MAB21L3: variants seen among roughly 807,000 people sequenced by gnomAD.
The protein encoded by MAB21L3 is mab-21 like 3, also known as protein mab-21-like 3.
MAB21L3 carries 36 observed loss-of-function variants against 37.7 expected under a neutral mutation model. The ratio of observed to expected loss-of-function variants is 0.96; its 90% CI spans 0.73 to 1.26. The LOEUF (loss-of-function observed/expected upper bound fraction) is 1.26, where lower values mean the gene tolerates loss of function less well. Ranked by LOEUF, MAB21L3 falls within the 50% of genes most tolerant of loss-of-function variation. The probability of loss-of-function intolerance (pLI) is 0.00; values close to 1 mark genes in which losing one functional copy is unlikely to be tolerated. For synonymous variants in MAB21L3, 186 were observed against 176.8 expected (o/e 1.05, Z -0.41); for missense variants, 430 against 447.3 (o/e 0.96, Z 0.35).
intron 4 of MAB21L3, among the ~76,000 whole-genome samples, chr1:116,123,429 C>G (rs548730370): frequency 1.3e-5 from 2 of 152,110 alleles, no homozygotes; most frequent in East Asian, 3.9e-4. Context: ...AGATATTTTA[C>G]AAAATCTGTT....
In MAB21L3 at chr1:116,133,345, C is replaced by A. The variant is rs1660126908; in HGVS notation, c.1069C>A (p.Pro357Thr). The A allele has an allele frequency of 6.2e-7, 1 of 1,614,098 alleles. No individual in the cohort carries two copies. Among genetic ancestry groups the A allele is most frequent in the Non-Finnish European group, 8.5e-7 (1 of 1,180,044 alleles). ...AQKLATFLKN[P>T]QIGPP ...AAAGCTGGCCACCTTCCTGAAGAAC[C>A]CCCAGATCGGCCCGCCCTGATGGTT... is the stretch of plus-strand genomic sequence containing the variant. The change falls in exon 8 of 8, where the codon CCC becomes ACC. Residue 357 changes from proline (P) to threonine (T), a missense_variant. By Grantham distance (38) the Pro-to-Thr change is conservative (BLOSUM62 -1). Transcript: ENST00000369500.
chr1:116,113,330 T>A (rs1659482089), intron 3 of MAB21L3, among the ~76,000 whole-genome samples: 1 of 152,210 alleles, frequency 6.6e-6, no homozygotes, highest in African/African-American at 2.4e-5. Flanking sequence ...AAAGAGAAGA[T>A]CATTATCATA....
intron 5 of MAB21L3, among the ~76,000 whole-genome samples, chr1:116,125,026 A>C (rs1197065517): frequency 6.9e-6 from 1 of 145,882 alleles, no homozygotes; most frequent in African/African-American, 2.7e-5. Context: ...TAATTACCAA[A>C]AAAAAAAAAG....
chr1:116,125,172 G>A (rs1439277296), intron 5 of MAB21L3, among the ~76,000 whole-genome samples: 1 of 152,146 alleles, frequency 6.6e-6, no homozygotes, highest in Non-Finnish European at 1.5e-5. Context: ...GAAATGAAAA[G>A]TTTGATCATG....
chr1:116,131,797 A>G (rs10923976), intron 7 of MAB21L3, among the ~76,000 whole-genome samples: 59,285 of 152,110 alleles, frequency 0.39, 16,334 homozygotes, highest in African/African-American at 0.79. Flanking sequence ...GATGGTGATA[A>G]TTTGGATGGT....
chr1:116,116,476 C>T (rs930529432), intron 3 of MAB21L3, among the ~76,000 whole-genome samples: 1 of 152,154 alleles, frequency 6.6e-6, no homozygotes, highest in Non-Finnish European at 1.5e-5. Context: ...TGCCTAAATA[C>T]ATGGAGACCT....
In MAB21L3 at chr1:116,124,118, G is replaced by C. The variant is rs1375825582; in HGVS notation, c.242G>C (p.Gly81Ala). 3 of 1,613,874 alleles carry C rather than the reference G, an allele frequency of 1.9e-6. No homozygotes were observed. Among genetic ancestry groups the C allele is most frequent in the African/African-American group, 1.3e-5 (1 of 75,050 alleles). ...ACAGTCCCAATAAAAGGCCTGGCCGGGTACAGGGAGGCCAGGGAGCAGCAC... is the reference window on the plus strand; with the variant it reads ...ACAGTCCCAATAAAAGGCCTGGCCGCGTACAGGGAGGCCAGGGAGCAGCAC... ...LVTVPIKGLA[G>A]YREAREQHWR... Residue 81 changes from glycine to alanine, a missense_variant, in exon 5 of 8, where the codon GGG becomes GCG. Physicochemically the swap from Gly to Ala is moderately conservative, Grantham distance 60. Coordinates refer to ENST00000369500, the MANE Select transcript of MAB21L3 (RefSeq NM_152367.3).
At chr1:116,127,997 C>T (rs1408213414) in intron 6 of MAB21L3, 148 bp from the exon 7 acceptor site, 5 of 809,052 alleles carry the variant, frequency 6.2e-6, no homozygotes, top group Non-Finnish European at 9.5e-6. Context: ...GGCTTGTGGT[C>T]TCCCTGGCAC....
intron 7 of MAB21L3, 99 bp downstream of exon 7, chr1:116,128,438 G>A (rs541847824): frequency 1.7e-6 from 2 of 1,188,250 alleles, no homozygotes; most frequent in Admixed American, 5.9e-5. Flanking sequence ...CTCAGAAGGG[G>A]TAGCATGTGT....
At position 116,124,293 on chromosome 1, in the gene MAB21L3, T is replaced by G. The variant is rs1298595898; in HGVS notation, c.417T>G (p.Pro139=). The change falls in exon 5 of 8, where the codon CCT becomes CCG. Residue 139 remains proline, a synonymous_variant. Transcript: ENST00000369500. ...TGAACATCGACGGAGACATTGTGCC[T>G]GCCAAGGTCCTCCTAGTGTTCCGGA... is the stretch of plus-strand genomic sequence containing the variant. The part of the protein sequence containing the change: ...TDVNIDGDIV[P]AKVLLVFRKL... The G allele has an allele frequency of 6.2e-7, 1 of 1,614,036 alleles. No homozygotes were observed. The highest frequency in any genetic ancestry group is 8.5e-7 in the Non-Finnish European group (1 of 1,180,038).
rs1008044536 is a variant in MAB21L3 at position 116,124,929 on chromosome 1, G to A, written c.481+572G>A. ...CACTCCCTTTTTGTTCACACAAAGC[G>A]AAAAGGTGAATTTCAAACTGGAAAG... On this transcript the variant is annotated intron_variant, in intron 5 of 7. Transcript: ENST00000369500. Among the ~76,000 whole-genome samples, 67 of 150,358 alleles carry A rather than the reference G, an allele frequency of 4.5e-4. 1 individual carries two copies. Among genetic ancestry groups the A allele is most frequent in the Middle Eastern group, 6.3e-3 (2 of 316 alleles).
At chr1:116,114,294 T>C (rs1659509163) in intron 3 of MAB21L3, among the ~76,000 whole-genome samples, 1 of 152,228 alleles carries the variant, frequency 6.6e-6, no homozygotes, top group African/African-American at 2.4e-5. Flanking sequence ...ATCTTGCACA[T>C]ATATGATCAG....
intron 7 of MAB21L3, among the ~76,000 whole-genome samples, chr1:116,131,496 T>C (rs1447367620): frequency 6.6e-6 from 1 of 152,168 alleles, no homozygotes; most frequent in Non-Finnish European, 1.5e-5. Context: ...GGGAAGACCT[T>C]GAAGTATTTT....
intron 3 of MAB21L3, among the ~76,000 whole-genome samples, chr1:116,112,979 CCTT>C (rs1391335166): frequency 1.3e-5 from 2 of 152,066 alleles, no homozygotes; most frequent in Non-Finnish European, 2.9e-5. Context: ...TGAGCCTTGG[CCTT>C]CTTCTCTGTA....
intron 3 of MAB21L3, among the ~76,000 whole-genome samples, chr1:116,116,992 C>T (rs765681737): frequency 1.4e-4 from 21 of 151,830 alleles, no homozygotes; most frequent in Non-Finnish European, 2.6e-4. Context: ...AATAGATTTA[C>T]AATGAAGTAC....
rs144773588 is a variant in MAB21L3, at chr1:116,111,668, C to T, written c.-352C>T. 172 of 151,886 alleles carry T rather than the reference C, an allele frequency of 1.1e-3. 1 individual carries two copies. The highest frequency in any genetic ancestry group is 4.0e-3 in the African/African-American group (165 of 41,370). 9.4% of individuals were successfully genotyped at this position (151,886 alleles called of 1,614,324 possible). A position where few individuals can be genotyped will look rare whatever the true frequency, so the allele number is the denominator to read the frequency against. On this transcript the variant is annotated 5_prime_UTR_variant, in exon 2 of 8. Coordinates refer to ENST00000369500, the MANE Select transcript of MAB21L3 (RefSeq NM_152367.3). ...GCCAGCCCAACTGGGAATTTACTGC[C>T]TGAGCTGTTTTCCAACATAAGTTTT...
In MAB21L3 at chr1:116,128,746, G is replaced by A. The variant is rs189244744; in HGVS notation, c.855+407G>A. ...CACACTTTGATGGCTTTATGTTTGCGCCAGTCTTTAAACCCACTGCAGCCT... is the reference window on the plus strand; with the variant it reads ...CACACTTTGATGGCTTTATGTTTGCACCAGTCTTTAAACCCACTGCAGCCT... On this transcript the variant is annotated intron_variant, in intron 7 of 7. Coordinates refer to ENST00000369500, the MANE Select transcript of MAB21L3 (RefSeq NM_152367.3). Among the ~76,000 whole-genome samples, 398 of 152,152 alleles carry A rather than the reference G, an allele frequency of 2.6e-3. 2 individuals carry two copies. Among genetic ancestry groups the A allele is most frequent in the African/African-American group, 6.3e-3 (262 of 41,498 alleles).
rs1337843622 is a variant in MAB21L3 at position 116,138,023 on chromosome 1, A to C, written c.*4658A>C. On this transcript the variant is annotated 3_prime_UTR_variant, in exon 8 of 8. Coordinates refer to ENST00000369500, the MANE Select transcript of MAB21L3 (RefSeq NM_152367.3). The stretch of plus-strand genomic sequence containing the variant: ...AGCATTGGGAGATATACCTAATGCT[A>C]GATGACGAGTTAGTGGGTGCAGCGC... Among the ~76,000 whole-genome samples, 1 of 149,760 alleles carries C rather than the reference A, an allele frequency of 6.7e-6. No homozygotes were observed. The highest frequency in any genetic ancestry group is 1.5e-5 in the Non-Finnish European group (1 of 67,502).
chr1:116,113,401 G>A (rs1659483408), intron 3 of MAB21L3, among the ~76,000 whole-genome samples: 2 of 152,154 alleles, frequency 1.3e-5, no homozygotes, highest in Admixed American at 6.5e-5. Context: ...AGGAAAACCT[G>A]GGATGATAAA....
Sources: allele counts gnomAD v4.1 joint callset (sites outside exome capture counted in the v4.1 genomes callset), GRCh38; gene constraint gnomAD v4.1.1; transcripts MANE v1.5; gene names NCBI Gene and HGNC (gene_info 2026-07-23, HGNC 2026-07-21).